MYO16: variants seen among roughly 807,000 people sequenced by gnomAD.
The protein encoded by MYO16 is unconventional myosin-XVI.
MYO16 carries 94 observed loss-of-function variants against 205.3 expected under a neutral mutation model. The observed-to-expected ratio is 0.46, with a 90% CI of 0.39 to 0.54. The LOEUF (loss-of-function observed/expected upper bound fraction) is 0.54. Among genes scored for constraint, MYO16 ranks in the 20% least tolerant of loss-of-function variants. The pLI is 0.00. For synonymous variants in MYO16, 988 were observed against 954.0 expected (o/e 1.04, Z -0.66); for missense variants, 2,315 against 2,387.5 (o/e 0.97, Z 0.63).
At chr13:108,915,929 C>T (rs1389813448) in intron 16 of MYO16, among the ~76,000 whole-genome samples, 1 of 152,106 alleles carries the variant, frequency 6.6e-6, no homozygotes, top group Admixed American at 6.5e-5. Flanking sequence ...GTACCTGTCA[C>T]GGGGAAGCCA....
intron 13 of MYO16, among the ~76,000 whole-genome samples, chr13:108,887,404 G>A (rs9555528): frequency 0.098 from 14,988 of 152,166 alleles, 749 homozygotes; most frequent in Non-Finnish European, 0.11. Flanking sequence ...GCTTTAAAAA[G>A]TTTTTCTGGT....
intron 21 of MYO16, among the ~76,000 whole-genome samples, chr13:109,005,942 T>G: frequency 6.6e-6 from 1 of 152,306 alleles, no homozygotes; most frequent in East Asian, 1.9e-4. Flanking sequence ...TGCATGTAAT[T>G]CTCAAGTCAT....
At chr13:108,767,067 CTTG>C (rs958962536) in intron 4 of MYO16, among the ~76,000 whole-genome samples, 2 of 151,866 alleles carry the variant, frequency 1.3e-5, no homozygotes, top group Admixed American at 1.3e-4. Flanking sequence ...TATTTTTGTT[CTTG>C]TTGTATCTGG....
At chr13:108,587,188 G>T in the MYO16 span, among the ~76,000 whole-genome samples, 1 of 152,190 alleles carries the variant, frequency 6.6e-6, no homozygotes, top group Non-Finnish European at 1.5e-5. Flanking sequence ...AGAGGAGTTG[G>T]TCAACAGGAA....
chr13:108,754,589 A>G lies in MYO16; in HGVS notation c.507+27006A>G, dbSNP rs141944252. On this transcript the variant is annotated intron_variant, in intron 4 of 34. Coordinates refer to ENST00000457511, the MANE Select transcript of MYO16 (RefSeq NM_001198950.3). ...AAATAGATTTAAAAATGGTTTCTTG[A>G]CCTTAAGGTGGAAATAAAACATTGT... Among the ~76,000 whole-genome samples, 925 of 152,288 alleles carry G rather than the reference A, an allele frequency of 6.1e-3. 6 individuals carry two copies. Among genetic ancestry groups the G allele is most frequent in the Non-Finnish European group, 9.9e-3 (670 of 68,008 alleles).
intron 28 of MYO16, among the ~76,000 whole-genome samples, chr13:109,106,487 C>G (rs139085722): frequency 2.1e-3 from 321 of 152,268 alleles, no homozygotes; most frequent in African/African-American, 7.2e-3. Context: ...CATGTTATAT[C>G]ATTTATGTAA....
chr13:108,957,612 C>A, intron 16 of MYO16, 76 bp from the exon 17 acceptor site: 2 of 961,876 alleles, frequency 2.1e-6, no homozygotes, highest in East Asian at 2.5e-5. Flanking sequence ...AGATCAAATA[C>A]GGCAGAAGTG....
chr13:109,030,629 A>G (rs1381100849), intron 23 of MYO16, among the ~76,000 whole-genome samples: 1 of 152,284 alleles, frequency 6.6e-6, no homozygotes, highest in Non-Finnish European at 1.5e-5. Context: ...TTCTCAGAGC[A>G]GGGAGCTTAT....
intron 1 of MYO16, among the ~76,000 whole-genome samples, chr13:108,616,967 A>T (rs949347006): frequency 5.3e-4 from 80 of 152,132 alleles, no homozygotes; most frequent in African/African-American, 1.9e-3. Flanking sequence ...TAAAGTTCAA[A>T]TTGCTCCAAA....
intron 3 of MYO16, among the ~76,000 whole-genome samples, chr13:108,726,081 T>C (rs1240663399): frequency 6.6e-6 from 1 of 152,196 alleles, no homozygotes; most frequent in East Asian, 1.9e-4. Flanking sequence ...TGTGTGCCAG[T>C]GCTTCCAGTG....
At position 108,952,636 on chromosome 13, in the gene MYO16, G is replaced by A. The variant is rs532111813; in HGVS notation, c.1926-5052G>A. Among the ~76,000 whole-genome samples the A allele has an allele frequency of 1.6e-4, 24 of 152,238 alleles. No homozygotes were observed. The South Asian group carries it at 5.0e-3, about 32-fold the overall frequency. On this transcript the variant is annotated intron_variant, in intron 16 of 34. Transcript: ENST00000457511. Reference sequence around the variant, plus strand: ...TTCCTCTATAGCACCAATGTTAACAGTCTTCTACCCCATGATAGAAACAAC... The same window carrying A: ...TTCCTCTATAGCACCAATGTTAACAATCTTCTACCCCATGATAGAAACAAC...
At position 108,704,938 on chromosome 13, in the gene MYO16, CAA is replaced by C. The variant is rs111486703; in HGVS notation, c.293-7713_293-7712del. ...CAATGAAAAACCTTAGCTAAACTGACAAAAAAAAAAACAAAAAAAAACCTGAC... is the reference window on the plus strand; with the variant it reads ...CAATGAAAAACCTTAGCTAAACTGACAAAAAAAAACAAAAAAAAACCTGAC... On this transcript the variant is annotated intron_variant, in intron 2 of 34. Transcript: ENST00000457511. 2.5e-4 allele frequency among the ~76,000 whole-genome samples: 35 copies of C among 142,778 alleles called. 1 individual carries two copies. The highest frequency in any genetic ancestry group is 6.1e-4 in the African/African-American group (24 of 39,374). 93.7% of individuals were successfully genotyped at this position (142,778 alleles called of 152,430 possible).
chr13:108,763,787 TTGTG>T (rs56115831), intron 4 of MYO16, among the ~76,000 whole-genome samples: 18,794 of 142,512 alleles, frequency 0.13, 1,241 homozygotes, highest in Middle Eastern at 0.27. Context: ...AGAAAAGGAG[TTGTG>T]TGTGTGTGTG....
chr13:108,608,768 G>A (rs1170590532), intron 1 of MYO16, among the ~76,000 whole-genome samples: 3 of 151,728 alleles, frequency 2.0e-5, no homozygotes, highest in Non-Finnish European at 2.9e-5. Flanking sequence ...TTGGCCTCCC[G>A]AATAGCTAGA....
At chr13:109,179,209 G>A (rs1302453511) in intron 33 of MYO16, among the ~76,000 whole-genome samples, 1 of 152,140 alleles carries the variant, frequency 6.6e-6, no homozygotes, top group Non-Finnish European at 1.5e-5. Context: ...GCCCGTCACT[G>A]ACCCCGTATG....
chr13:108,819,950 G>A (rs562635279), intron 7 of MYO16, among the ~76,000 whole-genome samples: 1 of 152,230 alleles, frequency 6.6e-6, no homozygotes, highest in East Asian at 1.9e-4. Context: ...GTTGTATTTT[G>A]CCTTTCACGT....
chr13:108,791,303 C>T (rs1886608993), intron 5 of MYO16, among the ~76,000 whole-genome samples: 2 of 152,164 alleles, frequency 1.3e-5, no homozygotes, highest in South Asian at 4.1e-4. Context: ...TCAAATACTG[C>T]ATTTTGCTTT....
chr13:108,570,999 C>T, the MYO16 span, among the ~76,000 whole-genome samples: 1 of 151,952 alleles, frequency 6.6e-6, no homozygotes, highest in Non-Finnish European at 1.5e-5. Context: ...AAGTAAGACT[C>T]ACAGGTTATT....
chr13:108,807,969 A>G (rs964292984), intron 7 of MYO16, among the ~76,000 whole-genome samples: 2 of 152,216 alleles, frequency 1.3e-5, no homozygotes, highest in Admixed American at 1.3e-4. Flanking sequence ...TAAAGTGTCT[A>G]TTGCAATCTT....
Sources: gnomAD v4.1 joint callset for allele counts (sites outside exome capture counted in the v4.1 genomes callset) on GRCh38, gnomAD v4.1.1 for gene constraint, MANE v1.5 for transcripts, NCBI Gene and HGNC (gene_info 2026-07-23, HGNC 2026-07-21) for gene names.